The following KCNQ3 variants were observed in gnomAD, a reference collection of about 807,000 sequenced individuals.
KCNQ3 encodes potassium voltage-gated channel subfamily KQT member 3.
A neutral mutation model predicts 92.5 loss-of-function variants in KCNQ3; 30 were observed. The observed-to-expected ratio is 0.32, with a 90% confidence interval of 0.24 to 0.44. The LOEUF is 0.44. Ranked by LOEUF, KCNQ3 falls within the 20% of genes least tolerant of loss-of-function variation. The probability of loss-of-function intolerance (pLI) is 1.00; values close to 1 mark genes in which losing one functional copy is unlikely to be tolerated. For synonymous variants in KCNQ3, 450 were observed against 468.8 expected, an observed-to-expected ratio of 0.96 and a Z score of 0.52; for missense variants, 913 against 1,140.3, an observed-to-expected ratio of 0.80 and a Z score of 2.87.
rs1817929622 is a variant in KCNQ3, at chr8:132,322,788, G to T, written c.387-136607C>A. Reference sequence around the variant, plus strand: ...CAGATGTCGGCTCAAGACTATACAGGCTTTTAAGCCTCCAAATAACCAAGG... The same window carrying T: ...CAGATGTCGGCTCAAGACTATACAGTCTTTTAAGCCTCCAAATAACCAAGG... On this transcript the variant is annotated intron_variant, in intron 1 of 14. Coordinates refer to ENST00000388996, the MANE Select transcript of KCNQ3 (RefSeq NM_004519.4). Among the ~76,000 whole-genome samples, 4 of 152,270 alleles carry T rather than the reference G, an allele frequency of 2.6e-5. No individual in the cohort carries two copies. The South Asian group carries it at 8.3e-4, about 32-fold the overall frequency.
At position 132,392,893 on chromosome 8, in the gene KCNQ3, A is replaced by T. The variant is rs1380225934; in HGVS notation, c.386+87254T>A. On this transcript the variant is annotated intron_variant, in intron 1 of 14. Coordinates refer to ENST00000388996, the MANE Select transcript of KCNQ3 (RefSeq NM_004519.4). ...TTTAGTCCACAGCACTTTTCATCTTATATCTTAAGATAAAGTTTAAACCTT... is the reference window on the plus strand; with the variant it reads ...TTTAGTCCACAGCACTTTTCATCTTTTATCTTAAGATAAAGTTTAAACCTT... Among the ~76,000 whole-genome samples, 4 of 151,008 alleles carry T rather than the reference A, an allele frequency of 2.6e-5. No individual in the cohort carries two copies. In the East Asian group the frequency reaches 7.7e-4, roughly 29 times the overall value.
intron 1 of KCNQ3, 127 bp downstream of exon 1, chr8:132,480,020 C>T (rs990338705): frequency 4.6e-6 from 4 of 860,526 alleles, no homozygotes; most frequent in African/African-American, 1.7e-5. Flanking sequence ...TGAGGACGGG[C>T]TGGTCTCCCC....
intron 1 of KCNQ3, among the ~76,000 whole-genome samples, chr8:132,347,625 T>C (rs1455248081): frequency 6.6e-6 from 1 of 152,158 alleles, no homozygotes; most frequent in South Asian, 2.1e-4. Flanking sequence ...AGATCTTGTT[T>C]TAAATAACTA....
intron 2 of KCNQ3, 144 bp from the exon 3 acceptor site, chr8:132,184,511 T>TGGGGGGG (rs1826899025): frequency 1.1e-5 from 6 of 560,978 alleles, no homozygotes; most frequent in Non-Finnish European, 1.6e-5. Context: ...GGGATGGGGG[T>TGGGGGGG]GGGGAAGGGG....
intron 1 of KCNQ3, among the ~76,000 whole-genome samples, chr8:132,311,096 C>A (rs1817580166): frequency 6.6e-6 from 1 of 152,052 alleles, no homozygotes; most frequent in South Asian, 2.1e-4. Context: ...GCTGCCACAC[C>A]CAGCTAATTT....
intron 1 of KCNQ3, among the ~76,000 whole-genome samples, chr8:132,205,165 G>A (rs1268112199): frequency 1.3e-5 from 2 of 152,158 alleles, no homozygotes; most frequent in Non-Finnish European, 2.9e-5. Context: ...ATGGGGTTGT[G>A]TGGTACTCAC....
intron 3 of KCNQ3, among the ~76,000 whole-genome samples, chr8:132,182,244 G>T (rs1826807610): frequency 1.3e-5 from 2 of 152,162 alleles, no homozygotes; most frequent in African/African-American, 4.8e-5. Flanking sequence ...TGCTTGCAGA[G>T]AAAACAAAAG....
intron 1 of KCNQ3, among the ~76,000 whole-genome samples, chr8:132,295,464 A>G (rs1816989282): frequency 6.6e-6 from 1 of 152,254 alleles, no homozygotes; most frequent in South Asian, 2.1e-4. Flanking sequence ...CCAGTGTGGA[A>G]GACCATGTGG....
chr8:132,277,726 G>T (rs1816380711), intron 1 of KCNQ3, among the ~76,000 whole-genome samples: 2 of 152,128 alleles, frequency 1.3e-5, no homozygotes, highest in African/African-American at 4.8e-5. Context: ...AGTCCCTGCT[G>T]GCAGTCCCCA....
At chr8:132,235,926 G>A (rs1175327263) in intron 1 of KCNQ3, among the ~76,000 whole-genome samples, 2 of 152,068 alleles carry the variant, frequency 1.3e-5, no homozygotes, top group East Asian at 3.8e-4. Flanking sequence ...GAAATCATCT[G>A]ACACATGACT....
intron 1 of KCNQ3, among the ~76,000 whole-genome samples, chr8:132,371,036 C>A (rs1388835510): frequency 6.6e-6 from 1 of 152,216 alleles, no homozygotes; most frequent in Non-Finnish European, 1.5e-5. Flanking sequence ...TTTTGCAAAT[C>A]CTTGGGAATA....
intron 1 of KCNQ3, among the ~76,000 whole-genome samples, chr8:132,417,915 G>A (rs1820863118): frequency 6.6e-6 from 1 of 152,166 alleles, no homozygotes; most frequent in African/African-American, 2.4e-5. Context: ...GGAGACCCAT[G>A]AGCCAGCCAG....
intron 10 of KCNQ3, chr8:132,140,718 C>T: frequency 3.7e-6 from 1 of 271,418 alleles, no homozygotes; most frequent in Non-Finnish European, 7.1e-6. Flanking sequence ...AAAAGAGGCA[C>T]ATGAGGCCAT....
chr8:132,461,991 T>C (rs1221892229), intron 1 of KCNQ3, among the ~76,000 whole-genome samples: 3 of 152,314 alleles, frequency 2.0e-5, no homozygotes, highest in East Asian at 1.9e-4. Context: ...GTCTTAACCA[T>C]GTCTTTTACC....
At chr8:132,411,298 GAGTGTACTGTCCCC>G in intron 1 of KCNQ3, among the ~76,000 whole-genome samples, 1 of 152,338 alleles carries the variant, frequency 6.6e-6, no homozygotes, top group South Asian at 2.1e-4. Context: ...ACCACCTGGA[GAGTGTACTGTCCCC>G]AGACCTTGGG....
At chr8:132,224,479 C>T (rs1203201386) in intron 1 of KCNQ3, among the ~76,000 whole-genome samples, 1 of 152,022 alleles carries the variant, frequency 6.6e-6, no homozygotes, top group Non-Finnish European at 1.5e-5. Context: ...TTCCTTGTTA[C>T]TCCCTAATTC....
In KCNQ3 at chr8:132,182,652, AC is replaced by A. The variant is rs1826823312; in HGVS notation, c.604+1588del. Among the ~76,000 whole-genome samples the A allele has an allele frequency of 4.6e-5, 7 of 152,350 alleles. No individual in the cohort carries two copies. The South Asian group carries it at 1.4e-3, about 32-fold the overall frequency. On this transcript the variant is annotated intron_variant, in intron 3 of 14. Coordinates refer to ENST00000388996, the MANE Select transcript of KCNQ3 (RefSeq NM_004519.4). The stretch of plus-strand genomic sequence containing the variant: ...AGAAGGAGTCTCTTTGAATGTGGGC[AC>A]AATCCATCATAAAGCTACCACCCAC...
chr8:132,248,649 A>G (rs1815273025), intron 1 of KCNQ3, among the ~76,000 whole-genome samples: 1 of 152,120 alleles, frequency 6.6e-6, no homozygotes, highest in Non-Finnish European at 1.5e-5. Flanking sequence ...CCACTCCCAT[A>G]TGCGCAGTCC....
intron 1 of KCNQ3, among the ~76,000 whole-genome samples, chr8:132,352,625 C>T (rs1205366804): frequency 6.6e-6 from 1 of 152,152 alleles, no homozygotes; most frequent in South Asian, 2.1e-4. Flanking sequence ...CGCAAGGTGG[C>T]ACAAGTAAGT....
Sources: gnomAD v4.1 joint callset for allele counts (sites outside exome capture counted in the v4.1 genomes callset) on GRCh38, gnomAD v4.1.1 for gene constraint, MANE v1.5 for transcripts, NCBI Gene and HGNC (gene_info 2026-07-23, HGNC 2026-07-21) for gene names.